Variants in MYH8 observed in about 807,000 individuals in gnomAD.
The protein encoded by MYH8 is myosin-8.
A neutral mutation model predicts 233.2 loss-of-function variants in MYH8; 168 were observed. That is an observed-to-expected ratio of 0.72 (90% CI 0.64 to 0.82). The LOEUF (loss-of-function observed/expected upper bound fraction) is 0.82. Ranked by LOEUF, MYH8 falls within the 40% of genes least tolerant of loss-of-function variation. The pLI is 0.00. For synonymous variants in MYH8, 785 were observed against 850.6 expected (o/e 0.92, Z 1.34); for missense variants, 1,995 against 2,327.8 (o/e 0.86, Z 2.94).
At chr17:10,421,306 C>T (rs1206941310) in intron 2 of MYH8, among the ~76,000 whole-genome samples, 1 of 152,102 alleles carries the variant, frequency 6.6e-6, no homozygotes, top group Non-Finnish European at 1.5e-5. Context: ...AAAAATCTTT[C>T]TGGAGTCTTT....
chr17:10,403,054 G>A (rs1370944152), intron 22 of MYH8, among the ~76,000 whole-genome samples: 2 of 152,102 alleles, frequency 1.3e-5, no homozygotes, highest in Non-Finnish European at 2.9e-5. Flanking sequence ...TCTGGTTAAT[G>A]TGGAAAGTCT....
rs754811964 is a variant in MYH8 at position 10,415,902 on chromosome 17, C to T, written c.512-194G>A. Among the ~76,000 whole-genome samples the T allele has an allele frequency of 5.3e-5, 8 of 152,142 alleles. No homozygotes were observed. The highest frequency in any genetic ancestry group is 1.0e-4 in the Non-Finnish European group (7 of 68,022). On this transcript the variant is annotated intron_variant, in intron 5 of 39. Transcript: ENST00000403437. The surrounding 1 kb of genome is among the most constrained non-coding windows in gnomAD (Gnocchi z 4.1). Reference sequence around the variant, plus strand: ...ATTTGTGAAAATGAAAGCAAAGAATCATCTCTTCCTTTTTGTATTTATTAA... The same window carrying T: ...ATTTGTGAAAATGAAAGCAAAGAATTATCTCTTCCTTTTTGTATTTATTAA...
At chr17:10,411,263 C>A (rs1188940429) in intron 14 of MYH8, among the ~76,000 whole-genome samples, 1 of 151,800 alleles carries the variant, frequency 6.6e-6, no homozygotes, top group East Asian at 1.9e-4. Context: ...GTAGTCCCAG[C>A]TACTCGGAAG....
rs756093840 is a variant in MYH8 at position 10,414,490 on chromosome 17, G to T, written c.806-6C>A. 2 of 1,567,534 alleles carry T rather than the reference G, an allele frequency of 1.3e-6. No homozygotes were observed. The highest frequency in any genetic ancestry group is 1.1e-5 in the South Asian group (1 of 89,970). ...TCTGGACTTTTCTAAAAGATCTGGAGAGGGAAATAGATATCGAGTTTGAAA... is the reference window on the plus strand; with the variant it reads ...TCTGGACTTTTCTAAAAGATCTGGATAGGGAAATAGATATCGAGTTTGAAA... On this transcript the variant is annotated splice_region_variant and splice_polypyrimidine_tract_variant and intron_variant, in intron 9 of 39. Transcript: ENST00000403437.
chr17:10,403,474 T>C (rs1176126351), intron 22 of MYH8, among the ~76,000 whole-genome samples: 1 of 152,190 alleles, frequency 6.6e-6, no homozygotes, highest in Non-Finnish European at 1.5e-5. Context: ...TTTTTCTTTT[T>C]TTGAGCTTTA....
Position 10,410,774 on chromosome 17 carries a change from G to T in MYH8, c.1587+3C>A, listed in dbSNP as rs188081237. 5 of 1,613,798 alleles carry T rather than the reference G, an allele frequency of 3.1e-6. No homozygotes were observed. The East Asian group carries it at 1.1e-4, about 36-fold the overall frequency. ...TCTGCCCTTCTTTGGAAACCAAACCGACCTTCTCAATGAGCTCAATGCAGG... is the reference window on the plus strand; with the variant it reads ...TCTGCCCTTCTTTGGAAACCAAACCTACCTTCTCAATGAGCTCAATGCAGG... On this transcript the variant is annotated splice_donor_region_variant and intron_variant, in intron 15 of 39. Coordinates refer to ENST00000403437, the MANE Select transcript of MYH8 (RefSeq NM_002472.3).
Position 10,406,194 on chromosome 17 carries a change from T to TC in MYH8, c.2296-18dup, listed in dbSNP as rs1285478574. On this transcript the variant is annotated splice_polypyrimidine_tract_variant and intron_variant, in intron 20 of 39. Transcript: ENST00000403437. ...GAAGAAAACCTGGAGAAAGAGAGAG[T>TC]CACAAATCATCTCCATACTGCAGGA... 2 of 1,613,972 alleles carry TC rather than the reference T, an allele frequency of 1.2e-6. No individual in the cohort carries two copies. The highest frequency in any genetic ancestry group is 1.6e-4 in the Middle Eastern group (1 of 6,062).
intron 17 of MYH8, among the ~76,000 whole-genome samples, chr17:10,407,640 A>C (rs2072206816): frequency 6.6e-6 from 1 of 152,026 alleles, no homozygotes; most frequent in Non-Finnish European, 1.5e-5. Context: ...GGAGTTCGAG[A>C]CCAGCCTGGG....
chr17:10,414,107 T>C, intron 11 of MYH8, 67 bp from the exon 12 acceptor site: 2 of 1,609,670 alleles, frequency 1.2e-6, no homozygotes, highest in Non-Finnish European at 8.5e-7. Flanking sequence ...AATTTATACA[T>C]ATCCTAAGGT....
rs995309894 is a variant in MYH8, at chr17:10,411,460, G to A, written c.1417-513C>T. 9.0e-4 allele frequency among the ~76,000 whole-genome samples: 137 copies of A among 152,032 alleles called. 1 individual carries two copies. The highest frequency in any genetic ancestry group is 1.9e-3 in the Non-Finnish European group (128 of 67,996). Reference sequence around the variant, plus strand: ...TTGAGGGTCCCAGATATCAATGTTAGAACAAGAATTCTGGTAGAATTTACC... The same window carrying A: ...TTGAGGGTCCCAGATATCAATGTTAAAACAAGAATTCTGGTAGAATTTACC... On this transcript the variant is annotated intron_variant, in intron 14 of 39. Transcript: ENST00000403437.
At chr17:10,412,194 C>T (rs1162503692) in intron 14 of MYH8, among the ~76,000 whole-genome samples, 176 bp downstream of exon 14, 1 of 152,126 alleles carries the variant, frequency 6.6e-6, no homozygotes, top group Non-Finnish European at 1.5e-5. Flanking sequence ...GCCCAGTGAG[C>T]GTTAGCTATT....
intron 12 of MYH8, among the ~76,000 whole-genome samples, chr17:10,413,165 A>C (rs538920815): frequency 6.6e-6 from 1 of 152,248 alleles, no homozygotes; most frequent in African/African-American, 2.4e-5. Flanking sequence ...CTTTATCTAC[A>C]AATGTGGAGA....
Position 10,412,428 on chromosome 17 carries a change from TTGGTGTCCAGCTGC to T in MYH8, c.1344_1357del (p.Gln449AlafsTer16). Reference sequence around the variant, plus strand: ...CCCGATGAAGTACTGCCTGGGCTGCTTGGTGTCCAGCTGCTGGTTGATGCGGGTGACCATCCACA... The same window carrying T: ...CCCGATGAAGTACTGCCTGGGCTGCTTGGTTGATGCGGGTGACCATCCACA... On this transcript the variant is annotated frameshift_variant, in exon 14 of 40. Transcript: ENST00000403437. LOFTEE classifies it high-confidence loss of function. The T allele has an allele frequency of 6.2e-7, 1 of 1,614,252 alleles. No homozygotes were observed. Among genetic ancestry groups the T allele is most frequent in the East Asian group, 2.2e-5 (1 of 44,890 alleles).
At chr17:10,412,862 T>C in intron 12 of MYH8, 134 bp from the exon 13 acceptor site, 1 of 883,722 alleles carries the variant, frequency 1.1e-6, no homozygotes, top group Admixed American at 1.9e-5. Flanking sequence ...CAAATGAGGT[T>C]TTCTAACCTT....
chr17:10,419,971 G>T lies in MYH8; in HGVS notation c.210+47C>A. ...CCCAGTAAGTTAGGCTTCAACTTTT[G>T]AACCAAGAAATAAAATGGGGAGTAT... On this transcript the variant is annotated intron_variant, in intron 3 of 39. Transcript: ENST00000403437. The surrounding 1 kb of genome is among the most constrained non-coding windows in gnomAD (Gnocchi z 4.0). 1 of 1,592,794 alleles carries T rather than the reference G, an allele frequency of 6.3e-7. No individual in the cohort carries two copies. The highest frequency in any genetic ancestry group is 1.1e-5 in the South Asian group (1 of 90,506).
intron 33 of MYH8, 116 bp from the exon 34 acceptor site, chr17:10,395,557 C>G (rs2072071485): frequency 1.9e-6 from 2 of 1,047,054 alleles, no homozygotes; most frequent in Admixed American, 4.3e-5. Flanking sequence ...AAGTATAATA[C>G]AGTAGTTCTG....
Position 10,412,485 on chromosome 17 carries a change from A to G in MYH8, c.1301T>C (p.Val434Ala). 2 of 1,614,190 alleles carry G rather than the reference A, an allele frequency of 1.2e-6. No homozygotes were observed. Among genetic ancestry groups the G allele is most frequent in the Non-Finnish European group, 1.7e-6 (2 of 1,180,044 alleles). ...CATCCACAGGAACATCTTCTCGTAG[A>G]CGGCTTTGGCCAGAGCACCCACCGC... The part of the protein sequence containing the change: ...YNAVGALAKA[V>A]YEKMFLWMVT... The change falls in exon 14 of 40, where the codon GTC becomes GCC. Residue 434 changes from valine (V) to alanine (A), a missense_variant. Transcript: ENST00000403437.
intron 39 of MYH8, 134 bp downstream of exon 39, chr17:10,391,748 A>G (rs980278062): frequency 4.8e-5 from 36 of 743,296 alleles, no homozygotes; most frequent in African/African-American, 4.4e-4. Context: ...ACAAATTCAT[A>G]TTTATAAAAT....
chr17:10,404,590 G>T lies in MYH8; in HGVS notation c.2433-5C>A, dbSNP rs768005442. On this transcript the variant is annotated splice_region_variant and splice_polypyrimidine_tract_variant and intron_variant, in intron 21 of 39. Coordinates refer to ENST00000403437, the MANE Select transcript of MYH8 (RefSeq NM_002472.3). Reference sequence around the variant, plus strand: ...TGGATGCAGAAAAGTGCTTCTCTGCGATGACATGAAAATATCAGTGTAGAC... The same window carrying T: ...TGGATGCAGAAAAGTGCTTCTCTGCTATGACATGAAAATATCAGTGTAGAC... 1 of 1,613,782 alleles carries T rather than the reference G, an allele frequency of 6.2e-7. No homozygotes were observed. The highest frequency in any genetic ancestry group is 1.7e-4 in the Middle Eastern group (1 of 6,060).
Sources: allele counts gnomAD v4.1 joint callset (sites outside exome capture counted in the v4.1 genomes callset), GRCh38; gene constraint gnomAD v4.1.1; non-coding constraint Gnocchi (gnomAD v3.1); transcripts MANE v1.5; gene names NCBI Gene and HGNC (gene_info 2026-07-23, HGNC 2026-07-21).